HS3ST4: variants seen among roughly 807,000 people sequenced by gnomAD.
The protein encoded by HS3ST4 is heparan sulfate-glucosamine 3-sulfotransferase 4.
In HS3ST4, 17 loss-of-function variants were observed where a neutral mutation model predicts 29.2. The observed-to-expected ratio is 0.58, with a 90% CI of 0.40 to 0.87. HS3ST4 has a LOEUF of 0.87. Among genes scored for constraint, HS3ST4 ranks in the 40% least tolerant of loss-of-function variants. The pLI is 0.00. For synonymous variants in HS3ST4, 314 were observed against 285.7 expected (o/e 1.10, Z -1.00); for missense variants, 627 against 634.5 (o/e 0.99, Z 0.13).
chr16:25,844,578 A>C (rs996759745), intron 1 of HS3ST4, among the ~76,000 whole-genome samples: 2 of 152,194 alleles, frequency 1.3e-5, no homozygotes, highest in Admixed American at 1.3e-4. Context: ...CACACACACA[A>C]TAGGAACGCT....
At chr16:25,822,240 G>A (rs984926837) in intron 1 of HS3ST4, among the ~76,000 whole-genome samples, 1 of 152,122 alleles carries the variant, frequency 6.6e-6, no homozygotes, top group Non-Finnish European at 1.5e-5. Flanking sequence ...GGTGCCAGCA[G>A]ATCTGGTGTC....
At chr16:26,115,047 G>T (rs1020786535) in intron 1 of HS3ST4, among the ~76,000 whole-genome samples, 4 of 152,036 alleles carry the variant, frequency 2.6e-5, no homozygotes, top group African/African-American at 9.7e-5. Context: ...CATTTTAAAA[G>T]TGATATGTAC....
chr16:26,079,886 G>A (rs1227156820), intron 1 of HS3ST4, among the ~76,000 whole-genome samples: 2 of 152,124 alleles, frequency 1.3e-5, no homozygotes, highest in East Asian at 1.9e-4. Flanking sequence ...AATGGGATCC[G>A]CTACTTTCTG....
At chr16:25,944,685 T>A (rs1352827364) in intron 1 of HS3ST4, among the ~76,000 whole-genome samples, 2 of 152,100 alleles carry the variant, frequency 1.3e-5, no homozygotes, top group African/African-American at 4.8e-5. Flanking sequence ...CCCATGGGTG[T>A]TTTTCTTCTC....
At chr16:26,120,958 C>T (rs369643895) in intron 1 of HS3ST4, among the ~76,000 whole-genome samples, 14 of 152,204 alleles carry the variant, frequency 9.2e-5, no homozygotes, top group African/African-American at 1.7e-4. Context: ...AATTAACACG[C>T]GTACTGAGCA....
intron 1 of HS3ST4, among the ~76,000 whole-genome samples, chr16:26,065,947 C>T (rs1171491446): frequency 6.6e-6 from 1 of 152,176 alleles, no homozygotes; most frequent in African/African-American, 2.4e-5. Flanking sequence ...AACAGGACAA[C>T]AAAATAATTG....
At chr16:26,031,809 G>A (rs1200187450) in intron 1 of HS3ST4, among the ~76,000 whole-genome samples, 1 of 151,604 alleles carries the variant, frequency 6.6e-6, no homozygotes, top group African/African-American at 2.4e-5. Context: ...ATCGTTAACA[G>A]TATACAACAA....
intron 1 of HS3ST4, among the ~76,000 whole-genome samples, chr16:26,063,289 C>T (rs1596668029): frequency 6.6e-6 from 1 of 152,232 alleles, no homozygotes; most frequent in African/African-American, 2.4e-5. Context: ...ATCTTCCTCC[C>T]CAACCCCTTC....
chr16:25,933,292 TAGAC>T lies in HS3ST4; in HGVS notation c.735-202317_735-202314del, dbSNP rs1392015917. ...TGATTGGCTGCCGAGAGGTTTCTGT[TAGAC>T]AGCGGATTAGAAAAGGTTAGTTTCT... On this transcript the variant is annotated intron_variant, in intron 1 of 1. Transcript: ENST00000331351. 9.3e-5 allele frequency: 44 copies of T among 471,946 alleles called. 2 individuals carry two copies. The highest frequency in any genetic ancestry group is 6.7e-4 in the South Asian group (44 of 65,790). 29.2% of individuals were successfully genotyped at this position (471,946 alleles called of 1,614,324 possible).
intron 1 of HS3ST4, among the ~76,000 whole-genome samples, chr16:25,701,563 T>G (rs1280110317): frequency 6.6e-6 from 1 of 152,220 alleles, no homozygotes; most frequent in Admixed American, 6.5e-5. Flanking sequence ...GCCAGGCATA[T>G]GATCTCTCTA....
intron 1 of HS3ST4, among the ~76,000 whole-genome samples, chr16:26,123,010 C>T (rs941546485): frequency 3.3e-5 from 5 of 151,222 alleles, no homozygotes; most frequent in Admixed American, 1.3e-4. Flanking sequence ...GCTGAGATCG[C>T]GCCACTGCAC....
intron 1 of HS3ST4, among the ~76,000 whole-genome samples, chr16:25,913,699 A>C (rs1968261641): frequency 6.6e-6 from 1 of 152,102 alleles, no homozygotes; most frequent in Admixed American, 6.5e-5. Flanking sequence ...GCAAAGGCAG[A>C]GAGCATGTGT....
At chr16:25,958,726 A>C (rs1026317174) in intron 1 of HS3ST4, among the ~76,000 whole-genome samples, 2 of 152,104 alleles carry the variant, frequency 1.3e-5, no homozygotes, top group Non-Finnish European at 2.9e-5. Context: ...AGGCTGACAA[A>C]CCAGTACTGG....
intron 1 of HS3ST4, among the ~76,000 whole-genome samples, chr16:25,902,024 T>C (rs11644878): frequency 0.49 from 74,447 of 152,032 alleles, 18,308 homozygotes; most frequent in South Asian, 0.57. Context: ...TGTCTACCTC[T>C]GCATCACATC....
intron 1 of HS3ST4, among the ~76,000 whole-genome samples, chr16:25,719,385 ATCAC>A (rs1966478203): frequency 1.8e-5 from 1 of 55,254 alleles, no homozygotes; most frequent in Non-Finnish European, 5.7e-5. Flanking sequence ...ACAAGTGACA[ATCAC>A]AATTTAGCTT....
rs184937948 is a variant in HS3ST4, at chr16:25,721,492, T to C, written c.734+28341T>C. Among the ~76,000 whole-genome samples, 696 of 152,238 alleles carry C rather than the reference T, an allele frequency of 4.6e-3. 3 individuals are homozygous for C. The highest frequency in any genetic ancestry group is 0.016 in the African/African-American group (649 of 41,536). On this transcript the variant is annotated intron_variant, in intron 1 of 1. Transcript: ENST00000331351. Reference sequence around the variant, plus strand: ...ATAAAGCAATATTTTTTTCACAAATTGCATTCAAAGGAATTAACATTTCCA... The same window carrying C: ...ATAAAGCAATATTTTTTTCACAAATCGCATTCAAAGGAATTAACATTTCCA...
intron 1 of HS3ST4, among the ~76,000 whole-genome samples, chr16:25,946,205 G>A (rs527714936): frequency 2.6e-4 from 40 of 152,310 alleles, no homozygotes; most frequent in African/African-American, 9.4e-4. Flanking sequence ...CCAATTGCAG[G>A]AGGCTTTTGG....
intron 1 of HS3ST4, among the ~76,000 whole-genome samples, chr16:26,119,132 A>G (rs1899238202): frequency 6.6e-6 from 1 of 152,224 alleles, no homozygotes; most frequent in Non-Finnish European, 1.5e-5. Flanking sequence ...CACTGCAAAT[A>G]GCAGAGTTAG....
At chr16:25,751,754 G>C (rs4238921) in intron 1 of HS3ST4, among the ~76,000 whole-genome samples, 96,982 of 151,970 alleles carry the variant, frequency 0.64, 31,637 homozygotes, top group Non-Finnish European at 0.7. Flanking sequence ...CGCCTTTCCT[G>C]TTTTCCACTG....
Sources: allele counts gnomAD v4.1 joint callset (sites outside exome capture counted in the v4.1 genomes callset), GRCh38; gene constraint gnomAD v4.1.1; transcripts MANE v1.5; gene names NCBI Gene and HGNC (gene_info 2026-07-23, HGNC 2026-07-21).